Variants in STK32B observed in about 807,000 individuals in gnomAD.
The protein encoded by STK32B is serine/threonine kinase 32B, also known as serine/threonine-protein kinase 32B.
Under a neutral mutation model 52.6 loss-of-function variants are expected in STK32B, and 43 were observed. The ratio of observed to expected loss-of-function variants is 0.82; its 90% confidence interval spans 0.64 to 1.05. The LOEUF (loss-of-function observed/expected upper bound fraction) is 1.05, where lower values mean the gene tolerates loss of function less well. STK32B is among the 50% of genes least tolerant of loss of function. The pLI, the probability that STK32B is intolerant of heterozygous loss-of-function variation, is 0.00. For missense variants in STK32B, 621 were observed against 534.6 expected (o/e 1.16, Z -1.59); for synonymous variants, 238 against 204.3 (o/e 1.17, Z -1.41).
At chr4:5,138,615 A>G (rs1297512257) in intron 1 of STK32B, among the ~76,000 whole-genome samples, 1 of 152,096 alleles carries the variant, frequency 6.6e-6, no homozygotes, top group Non-Finnish European at 1.5e-5. Context: ...ACAGAAAAAA[A>G]TAAACATGGC....
chr4:5,349,304 A>C (rs996741461), intron 4 of STK32B, among the ~76,000 whole-genome samples: 2 of 152,170 alleles, frequency 1.3e-5, no homozygotes, highest in African/African-American at 4.8e-5. Flanking sequence ...CCCAGTGCCC[A>C]GCAAAACTTC....
chr4:5,281,748 A>G (rs1315231166), intron 3 of STK32B, among the ~76,000 whole-genome samples: 1 of 152,214 alleles, frequency 6.6e-6, no homozygotes, highest in Non-Finnish European at 1.5e-5. Flanking sequence ...TAAGTGCAAA[A>G]CTCAAATTAG....
intron 9 of STK32B, among the ~76,000 whole-genome samples, chr4:5,466,313 G>T (rs767365590): frequency 9.9e-5 from 15 of 152,144 alleles, no homozygotes; most frequent in Non-Finnish European, 1.9e-4. Flanking sequence ...AGCTGAAATT[G>T]TATTCTTAAG....
Position 5,380,577 on chromosome 4 carries a change from TAGG to T in STK32B, c.435-17627_435-17625del. ...AGCAGGAAGTGCAAGTCCCACCCCATAGGAGCAGCTGGGACTGAGTACCCATGA... is the reference window on the plus strand; with the variant it reads ...AGCAGGAAGTGCAAGTCCCACCCCATAGCAGCTGGGACTGAGTACCCATGA... On this transcript the variant is annotated intron_variant, in intron 4 of 11. Coordinates refer to ENST00000282908, the MANE Select transcript of STK32B (RefSeq NM_018401.3). This position sits in a 1 kb window ranked among gnomAD's most constrained non-coding sequence, Gnocchi z 4.3. Among the ~76,000 whole-genome samples the T allele has an allele frequency of 6.6e-6, 1 of 152,206 alleles. No individual in the cohort carries two copies. Among genetic ancestry groups the T allele is most frequent in the East Asian group, 1.9e-4 (1 of 5,176 alleles).
chr4:5,342,657 A>C (rs1277440564), intron 4 of STK32B, among the ~76,000 whole-genome samples: 1 of 152,190 alleles, frequency 6.6e-6, no homozygotes, highest in Non-Finnish European at 1.5e-5. Context: ...CAACACTGGA[A>C]ATTACATATC....
At chr4:5,488,766 A>ATAAC (rs1466855930) in intron 11 of STK32B, among the ~76,000 whole-genome samples, 2 of 152,120 alleles carry the variant, frequency 1.3e-5, no homozygotes, top group African/African-American at 4.8e-5. Context: ...CTTCATATCT[A>ATAAC]TAACTTTCTT....
chr4:5,029,632 C>T, the STK32B span, among the ~76,000 whole-genome samples: 2 of 152,176 alleles, frequency 1.3e-5, no homozygotes, highest in South Asian at 4.1e-4. Context: ...TCCTCCCCGA[C>T]GGCTCCTGCA....
At chr4:5,239,265 G>T (rs1187020206) in intron 3 of STK32B, among the ~76,000 whole-genome samples, 1 of 152,154 alleles carries the variant, frequency 6.6e-6, no homozygotes. Context: ...GAGATATTTT[G>T]TAAAGATTTC....
At chr4:5,246,446 G>C (rs1247131201) in intron 3 of STK32B, among the ~76,000 whole-genome samples, 2 of 152,134 alleles carry the variant, frequency 1.3e-5, no homozygotes, top group Non-Finnish European at 2.9e-5. Flanking sequence ...GGACTTCTCT[G>C]CATTGGTTTT....
intron 3 of STK32B, among the ~76,000 whole-genome samples, chr4:5,265,444 A>C (rs1241694857): frequency 1.3e-5 from 2 of 152,180 alleles, no homozygotes; most frequent in Non-Finnish European, 2.9e-5. Context: ...CTACGCCCCG[A>C]AGCTTTGCCT....
chr4:5,350,125 C>A (rs1733731301), intron 4 of STK32B, among the ~76,000 whole-genome samples: 1 of 152,068 alleles, frequency 6.6e-6, no homozygotes, highest in African/African-American at 2.4e-5. Flanking sequence ...GTTCAAAGGT[C>A]CTGGCATAGA....
chr4:5,051,342 G>C (rs560351228), upstream of STK32B: 1 of 159,036 alleles, frequency 6.3e-6, no homozygotes. Context: ...CTTACTGCCT[G>C]CAGGGACCGA....
At chr4:5,114,693 A>G (rs921651315) in intron 1 of STK32B, among the ~76,000 whole-genome samples, 1 of 152,084 alleles carries the variant, frequency 6.6e-6, no homozygotes, top group Non-Finnish European at 1.5e-5. Context: ...TTTTCAAACA[A>G]CTCGCTCCCG....
intron 1 of STK32B, among the ~76,000 whole-genome samples, chr4:5,087,353 A>G (rs111867915): frequency 1.1e-3 from 173 of 152,124 alleles, no homozygotes; most frequent in Admixed American, 2.7e-3. Context: ...TAGAACATCT[A>G]TTTAACAAAA....
At chr4:5,466,296 G>C (rs1340051283) in intron 9 of STK32B, among the ~76,000 whole-genome samples, 1 of 152,176 alleles carries the variant, frequency 6.6e-6, no homozygotes, top group Non-Finnish European at 1.5e-5. Flanking sequence ...AAGTTGGGCA[G>C]ATTTTGAGCT....
chr4:5,329,209 C>T (rs1732067973), intron 3 of STK32B, among the ~76,000 whole-genome samples: 1 of 152,072 alleles, frequency 6.6e-6, no homozygotes, highest in South Asian at 2.1e-4. Flanking sequence ...ACCATCACAG[C>T]ACTTCCTGTG....
chr4:5,277,892 C>T (rs1365652383), intron 3 of STK32B, among the ~76,000 whole-genome samples: 1 of 152,196 alleles, frequency 6.6e-6, no homozygotes, highest in Non-Finnish European at 1.5e-5. Flanking sequence ...CTAAACCTGG[C>T]CTGTCACTCA....
intron 2 of STK32B, among the ~76,000 whole-genome samples, chr4:5,160,172 A>G (rs890964430): frequency 6.6e-6 from 1 of 152,166 alleles, no homozygotes; most frequent in Non-Finnish European, 1.5e-5. Context: ...ATCACACCAG[A>G]CAACCATGAG....
intron 1 of STK32B, among the ~76,000 whole-genome samples, chr4:5,107,213 A>G (rs1714155844): frequency 6.6e-6 from 1 of 152,082 alleles, no homozygotes; most frequent in African/African-American, 2.4e-5. Context: ...ATGAGAGTCT[A>G]ATGCCTGATG....
Sources: gnomAD v4.1 joint callset for allele counts (sites outside exome capture counted in the v4.1 genomes callset) on GRCh38, gnomAD v4.1.1 for gene constraint, Gnocchi (gnomAD v3.1) non-coding constraint, MANE v1.5 for transcripts, NCBI Gene and HGNC (gene_info 2026-07-23, HGNC 2026-07-21) for gene names.